The following KIRREL3 variants were observed in gnomAD, a reference collection of about 807,000 sequenced individuals.
KIRREL3 encodes the protein kirre like nephrin family adhesion molecule 3, also known as kin of IRRE-like protein 3.
In KIRREL3, 36 loss-of-function variants were observed where a neutral mutation model predicts 89.7. That is an observed-to-expected ratio of 0.40 (90% CI 0.31 to 0.53). The LOEUF (loss-of-function observed/expected upper bound fraction) is 0.53. KIRREL3 is among the 20% of genes least tolerant of loss of function. The pLI is 0.49. For missense variants in KIRREL3, 864 were observed against 1,056.6 expected, an observed-to-expected ratio of 0.82 and a Z score of 2.53; for synonymous variants, 445 against 441.4, an observed-to-expected ratio of 1.01 and a Z score of -0.10.
chr11:126,520,649 G>A lies in KIRREL3; in HGVS notation c.433+666C>T, dbSNP rs1041130819. 9.2e-5 allele frequency among the ~76,000 whole-genome samples: 14 copies of A among 152,206 alleles called. No individual in the cohort carries two copies. The highest frequency in any genetic ancestry group is 8.8e-5 in the Non-Finnish European group (6 of 68,030). On this transcript the variant is annotated intron_variant, in intron 4 of 16. Coordinates refer to ENST00000525144, the MANE Select transcript of KIRREL3 (RefSeq NM_032531.4). The surrounding 1 kb of genome is among the most constrained non-coding windows in gnomAD (Gnocchi z 4.9). ...GAACTAGGCGGTTTAAGAGGTCACC[G>A]AGCCCATTCCCCTGTCTTCAGGCAA...
chr11:126,869,514 T>C (rs1945036893), intron 1 of KIRREL3, among the ~76,000 whole-genome samples: 2 of 152,166 alleles, frequency 1.3e-5, no homozygotes, highest in Admixed American at 6.5e-5. Flanking sequence ...TGAAGAGATA[T>C]GCATATTTGG....
At position 126,508,330 on chromosome 11, in the gene KIRREL3, G is replaced by A. The variant is rs955606611; in HGVS notation, c.433+12985C>T. 4.6e-5 allele frequency among the ~76,000 whole-genome samples: 7 copies of A among 152,102 alleles called. No individual in the cohort carries two copies. Among genetic ancestry groups the A allele is most frequent in the African/African-American group, 1.4e-4 (6 of 41,422 alleles). ...CCCCTTGGAAAAACCTCCTTCACAC[G>A]GACAGAACAATTTAGAGGCTCAGAG... On this transcript the variant is annotated intron_variant, in intron 4 of 16. Transcript: ENST00000525144. The surrounding 1 kb of genome is among the most constrained non-coding windows in gnomAD (Gnocchi z 4.9).
rs1958534093 is a variant in KIRREL3, at chr11:126,520,019, G to A, written c.433+1296C>T. ...GACTCAAAGGTTGCAGGAGGTTTCTGAGGCTGGCCCCAAGTCCCTCCCCCG... is the reference window on the plus strand; with the variant it reads ...GACTCAAAGGTTGCAGGAGGTTTCTAAGGCTGGCCCCAAGTCCCTCCCCCG... On this transcript the variant is annotated intron_variant, in intron 4 of 16. Coordinates refer to ENST00000525144, the MANE Select transcript of KIRREL3 (RefSeq NM_032531.4). This position sits in a 1 kb window ranked among gnomAD's most constrained non-coding sequence, Gnocchi z 4.9. 6.6e-6 allele frequency among the ~76,000 whole-genome samples: 1 copy of A among 152,192 alleles called. No homozygotes were observed. The highest frequency in any genetic ancestry group is 2.4e-5 in the African/African-American group (1 of 41,448).
chr11:126,424,609 G>A lies in KIRREL3; in HGVS notation c.2308C>T (p.Leu770=), dbSNP rs1451161651. 1 of 1,614,046 alleles carries A rather than the reference G, an allele frequency of 6.2e-7. No individual in the cohort carries two copies. Among genetic ancestry groups the A allele is most frequent in the African/African-American group, 1.3e-5 (1 of 75,082 alleles). The change falls in exon 17 of 17, where the codon CTG becomes TTG. Residue 770 remains leucine, a synonymous_variant. Transcript: ENST00000525144. ...ACGTGAGTCTGCATCCGCCGCTGCAGGGGTCGACTGGGGTCAGAGTTCTGG... is the reference window on the plus strand; with the variant it reads ...ACGTGAGTCTGCATCCGCCGCTGCAAGGGTCGACTGGGGTCAGAGTTCTGG... ...SSQNSDPSRP[L]QRRMQTHV
intron 4 of KIRREL3, among the ~76,000 whole-genome samples, chr11:126,505,950 CT>C (rs1238423100): frequency 2.6e-5 from 4 of 152,172 alleles, no homozygotes; most frequent in African/African-American, 9.7e-5. Flanking sequence ...TGTTGACAGA[CT>C]AGTCCTAAAA....
chr11:126,465,020 C>G (rs1956675361), intron 5 of KIRREL3, among the ~76,000 whole-genome samples: 1 of 152,140 alleles, frequency 6.6e-6, no homozygotes, highest in South Asian at 2.1e-4. Flanking sequence ...CAGCTACTTC[C>G]CCATCACTTT....
chr11:126,713,711 A>T (rs1360782646), intron 1 of KIRREL3, among the ~76,000 whole-genome samples: 1 of 152,138 alleles, frequency 6.6e-6, no homozygotes, highest in Non-Finnish European at 1.5e-5. Flanking sequence ...AAGTGTGCTG[A>T]GGGAGAGTGG....
chr11:126,990,830 A>G lies in KIRREL3; in HGVS notation c.55+9625T>C, dbSNP rs1456296037. Among the ~76,000 whole-genome samples, 1 of 152,196 alleles carries G rather than the reference A, an allele frequency of 6.6e-6. No homozygotes were observed. Among genetic ancestry groups the G allele is most frequent in the African/African-American group, 2.4e-5 (1 of 41,452 alleles). On this transcript the variant is annotated intron_variant, in intron 1 of 16. Transcript: ENST00000525144. The surrounding 1 kb of genome is among the most constrained non-coding windows in gnomAD (Gnocchi z 6.3). ...TAGGGAACGCAACCACTGAGGGATT[A>G]AGTGGTGGTTTTGCTTTCTTTGCCA...
In KIRREL3 at chr11:126,802,124, T is replaced by C. The variant is rs192785523; in HGVS notation, c.55+198331A>G. On this transcript the variant is annotated intron_variant, in intron 1 of 16. Transcript: ENST00000525144. This position sits in a 1 kb window ranked among gnomAD's most constrained non-coding sequence, Gnocchi z 5.2. Reference sequence around the variant, plus strand: ...GGCCAGGACAGTAGACATTCAGAAATTCAGTTTTAATGTCACAGGTTATGA... The same window carrying C: ...GGCCAGGACAGTAGACATTCAGAAACTCAGTTTTAATGTCACAGGTTATGA... 1.6e-4 allele frequency among the ~76,000 whole-genome samples: 25 copies of C among 152,216 alleles called. No individual in the cohort carries two copies. Among genetic ancestry groups the C allele is most frequent in the Non-Finnish European group, 2.9e-5 (2 of 68,026 alleles).
rs775739120 is a variant in KIRREL3, at chr11:126,639,480, A to G, written c.56-76568T>C. Among the ~76,000 whole-genome samples the G allele has an allele frequency of 9.9e-5, 15 of 152,228 alleles. No individual in the cohort carries two copies. Among genetic ancestry groups the G allele is most frequent in the Admixed American group, 2.0e-4 (3 of 15,282 alleles). On this transcript the variant is annotated intron_variant, in intron 1 of 16. Coordinates refer to ENST00000525144, the MANE Select transcript of KIRREL3 (RefSeq NM_032531.4). This position sits in a 1 kb window ranked among gnomAD's most constrained non-coding sequence, Gnocchi z 4.3. ...TTAAAAGTAACCTCTACTGAGCTCA[A>G]TAAACCATTTCCAATGTGGCAGCTT...
intron 1 of KIRREL3, among the ~76,000 whole-genome samples, chr11:126,649,217 T>C (rs1944814493): frequency 6.6e-6 from 1 of 152,178 alleles, no homozygotes; most frequent in South Asian, 2.1e-4. Flanking sequence ...TGGAGTATAA[T>C]TCAAGATGGG....
At position 126,499,641 on chromosome 11, in the gene KIRREL3, G is replaced by A. The variant is rs777914042; in HGVS notation, c.433+21674C>T. Among the ~76,000 whole-genome samples the A allele has an allele frequency of 2.0e-4, 30 of 152,226 alleles. 1 individual carries two copies. The highest frequency in any genetic ancestry group is 1.1e-3 in the Admixed American group (17 of 15,286). On this transcript the variant is annotated intron_variant, in intron 4 of 16. Coordinates refer to ENST00000525144, the MANE Select transcript of KIRREL3 (RefSeq NM_032531.4). ...CAAACATCCCAAACGCTCACGTTAG[G>A]GAGTGGGGGCAGGGTGGGCGTCTAT...
At chr11:126,452,568 C>T (rs1956216319) in intron 7 of KIRREL3, among the ~76,000 whole-genome samples, 1 of 152,212 alleles carries the variant, frequency 6.6e-6, no homozygotes, top group South Asian at 2.1e-4. Context: ...TCAGGGCTTC[C>T]TGGAGAAGCT....
intron 1 of KIRREL3, among the ~76,000 whole-genome samples, chr11:126,868,176 G>T (rs1019687549): frequency 6.6e-6 from 1 of 152,098 alleles, no homozygotes; most frequent in Non-Finnish European, 1.5e-5. Context: ...CATGTGCTAT[G>T]GCATACCACA....
At chr11:126,958,301 T>A (rs1183858235) in intron 1 of KIRREL3, among the ~76,000 whole-genome samples, 1 of 152,158 alleles carries the variant, frequency 6.6e-6, no homozygotes, top group Non-Finnish European at 1.5e-5. Flanking sequence ...GGAGCCCAGA[T>A]CCTAAGTGAG....
rs745578705 is a variant in KIRREL3, at chr11:126,608,870, A to G, written c.56-45958T>C. Among the ~76,000 whole-genome samples, 1 of 152,166 alleles carries G rather than the reference A, an allele frequency of 6.6e-6. No homozygotes were observed. The highest frequency in any genetic ancestry group is 2.4e-5 in the African/African-American group (1 of 41,442). ...GGGATGCCTGATGAGACCTATGTCC[A>G]GGACAGGAGGGGAGGGGATGGAGAA... On this transcript the variant is annotated intron_variant, in intron 1 of 16. Transcript: ENST00000525144. This position sits in a 1 kb window ranked among gnomAD's most constrained non-coding sequence, Gnocchi z 4.9.
chr11:126,711,785 A>T (rs567513808), intron 1 of KIRREL3, among the ~76,000 whole-genome samples: 16 of 152,326 alleles, frequency 1.1e-4, no homozygotes, highest in African/African-American at 3.6e-4. Flanking sequence ...CTGTGCGAGG[A>T]TGCTGTGCCA....
rs1565554523 is a variant in KIRREL3 at position 126,563,809 on chromosome 11, G to A, written c.56-897C>T. Among the ~76,000 whole-genome samples, 6 of 152,128 alleles carry A rather than the reference G, an allele frequency of 3.9e-5. No homozygotes were observed. Among genetic ancestry groups the A allele is most frequent in the Non-Finnish European group, 8.8e-5 (6 of 68,022 alleles). On this transcript the variant is annotated intron_variant, in intron 1 of 16. Coordinates refer to ENST00000525144, the MANE Select transcript of KIRREL3 (RefSeq NM_032531.4). The surrounding 1 kb of genome is among the most constrained non-coding windows in gnomAD (Gnocchi z 6.8). ...CTCTCTGGTATTTGTGCTTTATCCT[G>A]ATTCATCTTAATCACTTTATGGATC... is the stretch of plus-strand genomic sequence containing the variant.
chr11:126,944,057 G>T (rs1315158602), intron 1 of KIRREL3, among the ~76,000 whole-genome samples: 1 of 152,138 alleles, frequency 6.6e-6, no homozygotes, highest in East Asian at 1.9e-4. Flanking sequence ...CCGGAAGAAA[G>T]GAAGATCCTT....
Sources: gnomAD v4.1 joint callset for allele counts (sites outside exome capture counted in the v4.1 genomes callset) on GRCh38, gnomAD v4.1.1 for gene constraint, Gnocchi (gnomAD v3.1) non-coding constraint, MANE v1.5 for transcripts, NCBI Gene and HGNC (gene_info 2026-07-23, HGNC 2026-07-21) for gene names.